MYO16: variants seen among roughly 807,000 people sequenced by gnomAD.
MYO16 encodes the protein myosin XVI, also known as unconventional myosin-XVI.
In MYO16, 94 loss-of-function variants were observed where a neutral mutation model predicts 205.3. The ratio of observed to expected loss-of-function variants is 0.46; its 90% CI spans 0.39 to 0.54. The LOEUF (loss-of-function observed/expected upper bound fraction) is 0.54, where lower values mean the gene tolerates loss of function less well. MYO16 is among the 20% of genes least tolerant of loss of function. MYO16 has a pLI of 0.00. For synonymous variants in MYO16, 988 were observed against 954.0 expected, an observed-to-expected ratio of 1.04 and a Z score of -0.66; for missense variants, 2,315 against 2,387.5, an observed-to-expected ratio of 0.97 and a Z score of 0.63.
At chr13:108,860,842 C>G (rs1878416511) in intron 11 of MYO16, among the ~76,000 whole-genome samples, 1 of 152,080 alleles carries the variant, frequency 6.6e-6, no homozygotes, top group Non-Finnish European at 1.5e-5. Flanking sequence ...TATAAAAACC[C>G]AGGAAGACAA....
At chr13:108,559,206 G>T in the MYO16 span, among the ~76,000 whole-genome samples, 1 of 152,118 alleles carries the variant, frequency 6.6e-6, no homozygotes, top group Non-Finnish European at 1.5e-5. Context: ...GACGTACACA[G>T]AGAGGGAAGA....
chr13:108,563,813 A>T, the MYO16 span, among the ~76,000 whole-genome samples: 3 of 152,184 alleles, frequency 2.0e-5, no homozygotes, highest in Non-Finnish European at 2.9e-5. Flanking sequence ...GGGAGTGCAG[A>T]TATCTTTTCA....
rs1566460711 is a variant in MYO16, at chr13:109,013,111, C to CCCT, written c.2595+4064_2595+4065insTCC. Among the ~76,000 whole-genome samples the CCCT allele has an allele frequency of 4.3e-4, 14 of 32,586 alleles. 1 individual carries two copies. The highest frequency in any genetic ancestry group is 3.4e-4 in the Non-Finnish European group (4 of 11,692). The allele number at this position is 32,586 out of a possible 152,430, so 21.4% of individuals were successfully genotyped here. On this transcript the variant is annotated intron_variant, in intron 22 of 34. Transcript: ENST00000457511. ...GTATTTCTCCTAATGCTACCCCTCC[C>CCCT]CCACCCCCCCCCACCCCACCACAGG...
intron 11 of MYO16, 32 bp downstream of exon 11, chr13:108,855,585 T>G: frequency 7.1e-7 from 1 of 1,418,406 alleles, no homozygotes; most frequent in Non-Finnish European, 9.8e-7. Context: ...TTTTGCACTG[T>G]TTTTCTCTTG....
At chr13:109,154,732 G>A (rs1403703954) in intron 32 of MYO16, among the ~76,000 whole-genome samples, 1 of 151,828 alleles carries the variant, frequency 6.6e-6, no homozygotes, top group Non-Finnish European at 1.5e-5. Flanking sequence ...GACACCGACC[G>A]CGTACTTGGC....
upstream of MYO16, among the ~76,000 whole-genome samples, chr13:108,628,399 T>C (rs146559219): frequency 2.2e-3 from 338 of 152,298 alleles, 1 homozygote; most frequent in African/African-American, 7.7e-3. Flanking sequence ...AACTTTTCAA[T>C]GAACACCAAC....
intron 20 of MYO16, among the ~76,000 whole-genome samples, chr13:108,982,875 T>C (rs1300819608): frequency 6.6e-6 from 1 of 152,166 alleles, no homozygotes; most frequent in Non-Finnish European, 1.5e-5. Flanking sequence ...TCCTATGCTC[T>C]TAAAATACAT....
intron 16 of MYO16, among the ~76,000 whole-genome samples, chr13:108,921,069 G>T (rs1881727087): frequency 6.6e-6 from 1 of 152,206 alleles, no homozygotes. Flanking sequence ...TGTGGCTGTA[G>T]CAAACAGCAT....
chr13:109,072,339 C>T lies in MYO16; in HGVS notation c.3335+16744C>T, dbSNP rs1887949412. Among the ~76,000 whole-genome samples, 3 of 152,228 alleles carry T rather than the reference C, an allele frequency of 2.0e-5. No homozygotes were observed. In the South Asian group the frequency reaches 6.2e-4, roughly 32 times the overall value. ...AATAAAGATTTGCTCTTCCCACTAT[C>T]CCATAATATCTTCTCACAATCTTAT... is the stretch of plus-strand genomic sequence containing the variant. On this transcript the variant is annotated intron_variant, in intron 27 of 34. Transcript: ENST00000457511.
chr13:108,536,264 G>A, the MYO16 span, among the ~76,000 whole-genome samples: 9 of 152,250 alleles, frequency 5.9e-5, no homozygotes, highest in Middle Eastern at 3.4e-3. Flanking sequence ...AGTAGTCAGA[G>A]AGCTACAGAT....
At chr13:108,851,344 A>G (rs956111737) in intron 10 of MYO16, among the ~76,000 whole-genome samples, 1 of 152,174 alleles carries the variant, frequency 6.6e-6, no homozygotes, top group Non-Finnish European at 1.5e-5. Flanking sequence ...AAGTTTATGT[A>G]CTTTGCAGAA....
At chr13:108,963,243 C>G in intron 19 of MYO16, among the ~76,000 whole-genome samples, 1 of 152,142 alleles carries the variant, frequency 6.6e-6, no homozygotes, top group Non-Finnish European at 1.5e-5. Context: ...TAAATCGCTA[C>G]TATTCTTTCT....
In MYO16 at chr13:109,128,794, G is replaced by A. The variant is rs545910018; in HGVS notation, c.4051+1244G>A. Reference sequence around the variant, plus strand: ...TTTTTTTTTTTTTTTTTTTTGAGACGGACTTTCACTCTTGTTGCTTAGGCT... The same window carrying A: ...TTTTTTTTTTTTTTTTTTTTGAGACAGACTTTCACTCTTGTTGCTTAGGCT... On this transcript the variant is annotated intron_variant, in intron 31 of 34. Coordinates refer to ENST00000457511, the MANE Select transcript of MYO16 (RefSeq NM_001198950.3). Among the ~76,000 whole-genome samples the A allele has an allele frequency of 6.2e-5, 8 of 129,440 alleles. No homozygotes were observed. In the South Asian group the frequency reaches 7.2e-4, roughly 12 times the overall value. The allele number at this position is 129,440 out of a possible 152,430, so 84.9% of individuals were successfully genotyped here. A position where few individuals can be genotyped will look rare whatever the true frequency, so the allele number is the denominator to read the frequency against.
rs1310923933 is a variant in MYO16 at position 109,008,990 on chromosome 13, A to C, written c.2536A>C (p.Thr846Pro). Residue 846 changes from threonine to proline, a missense_variant, in exon 22 of 35, where the codon ACC becomes CCC. Around this residue, in one of 3 missense-constraint regions of MYO16, gnomAD observed 1,213 missense variants for 1,274.4 expected, o/e 0.95. Transcript: ENST00000457511. ...EQVECVQEGV[T>P]METAYSPGNQ... The stretch of plus-strand genomic sequence containing the variant: ...AGTGGAATGTGTACAAGAGGGAGTT[A>C]CCATGGAAACAGCATATTCTCCTGG... The C allele has an allele frequency of 1.2e-6, 2 of 1,610,758 alleles. No homozygotes were observed. Among genetic ancestry groups the C allele is most frequent in the African/African-American group, 1.3e-5 (1 of 74,816 alleles).
At chr13:108,836,239 C>A (rs1238511778) in intron 9 of MYO16, among the ~76,000 whole-genome samples, 1 of 152,208 alleles carries the variant, frequency 6.6e-6, no homozygotes, top group Non-Finnish European at 1.5e-5. Context: ...TCGGAGGGTG[C>A]AAGCCCCAAG....
At chr13:108,766,207 G>A (rs1175596381) in intron 4 of MYO16, among the ~76,000 whole-genome samples, 1 of 150,636 alleles carries the variant, frequency 6.6e-6, no homozygotes, top group Non-Finnish European at 1.5e-5. Flanking sequence ...TTGGAGACCA[G>A]AGAGGCATGA....
chr13:108,838,506 T>TAAA (rs770461836), intron 9 of MYO16, among the ~76,000 whole-genome samples: 1 of 122,698 alleles, frequency 8.2e-6, no homozygotes, highest in Non-Finnish European at 1.8e-5. Context: ...TAGTAAAAAT[T>TAAA]AAAAAAAAAA....
At chr13:108,885,797 A>T (rs1054198092) in intron 13 of MYO16, among the ~76,000 whole-genome samples, 1 of 152,150 alleles carries the variant, frequency 6.6e-6, no homozygotes, top group Non-Finnish European at 1.5e-5. Context: ...GCAAGGCTCT[A>T]AGGGGAGAAA....
Position 109,141,132 on chromosome 13 carries a change from A to G in MYO16, c.4920A>G (p.Pro1640=). ...GCGCAGAGGCGCCCAAGGTTCACCCAAAGCCAAACTCTGCCCCCGTGGCCG... is the reference window on the plus strand; with the variant it reads ...GCGCAGAGGCGCCCAAGGTTCACCCGAAGCCAAACTCTGCCCCCGTGGCCG... ...GPSAEAPKVH[P]KPNSAPVAGP... Residue 1640 remains proline, a synonymous_variant, in exon 32 of 35, where the codon CCA becomes CCG. Coordinates refer to ENST00000457511, the MANE Select transcript of MYO16 (RefSeq NM_001198950.3). The surrounding 1 kb of genome is among the most constrained non-coding windows in gnomAD (Gnocchi z 4.1). 6.3e-7 allele frequency: 1 copy of G among 1,590,262 alleles called. No individual in the cohort carries two copies. The highest frequency in any genetic ancestry group is 8.6e-7 in the Non-Finnish European group (1 of 1,169,076).
Sources: gnomAD v4.1 joint callset for allele counts (sites outside exome capture counted in the v4.1 genomes callset) on GRCh38, gnomAD v4.1.1 for gene constraint, gnomAD v4.1.1 regional missense constraint, Gnocchi (gnomAD v3.1) non-coding constraint, MANE v1.5 for transcripts, NCBI Gene and HGNC (gene_info 2026-07-23, HGNC 2026-07-21) for gene names.